ZNF263: variants seen among roughly 807,000 people sequenced by gnomAD.
ZNF263 encodes the protein zinc finger protein FPM315.
In ZNF263, 49 loss-of-function variants were observed where a neutral mutation model predicts 63.1. The ratio of observed to expected loss-of-function variants is 0.78; its 90% CI spans 0.62 to 0.99. The LOEUF (loss-of-function observed/expected upper bound fraction) is 0.99. ZNF263 is among the 50% of genes least tolerant of loss of function. The pLI, the probability that ZNF263 is intolerant of heterozygous loss-of-function variation, is 0.00. For synonymous variants in ZNF263, 352 were observed against 324.2 expected (o/e 1.09, Z -0.92); for missense variants, 872 against 854.8 (o/e 1.02, Z -0.25).
Position 3,286,062 on chromosome 16 carries a change from C to T in ZNF263, c.682C>T (p.Gln228Ter). The part of the protein sequence containing the change: ...SLEDVAMYIS[Q>*]EEWGHQDPSK... Reference sequence around the variant, plus strand: ...AGAGGACGTGGCAATGTACATCTCCCAGGAGGAGTGGGGGCATCAGGATCC... The same window carrying T: ...AGAGGACGTGGCAATGTACATCTCCTAGGAGGAGTGGGGGCATCAGGATCC... Residue 228 changes from glutamine (Q) to a stop codon, truncating the protein, a stop_gained, in exon 4 of 6, where the codon CAG (glutamine) becomes TAG (stop). Coordinates refer to ENST00000219069, the MANE Select transcript of ZNF263 (RefSeq NM_005741.5). LOFTEE classifies it high-confidence loss of function. The T allele has an allele frequency of 6.2e-7, 1 of 1,613,114 alleles. No individual in the cohort carries two copies. The highest frequency in any genetic ancestry group is 8.5e-7 in the Non-Finnish European group (1 of 1,179,670).
intron 4 of ZNF263, chr16:3,286,492 AT>A (rs1959364299): frequency 5.9e-6 from 1 of 170,322 alleles, no homozygotes; most frequent in Non-Finnish European, 1.2e-5. Flanking sequence ...ATTCCTTGCA[AT>A]TTTCAGATGC....
chr16:3,283,670 G>T lies in ZNF263; in HGVS notation c.-149G>T, dbSNP rs1343597399. 4 of 1,270,224 alleles carry T rather than the reference G, an allele frequency of 3.1e-6. No homozygotes were observed. Among genetic ancestry groups the T allele is most frequent in the Non-Finnish European group, 3.0e-6 (3 of 1,002,820 alleles). The allele number at this position is 1,270,224 out of a possible 1,614,324, so 78.7% of individuals were successfully genotyped here. A position where few individuals can be genotyped will look rare whatever the true frequency, so the allele number is the denominator to read the frequency against. On this transcript the variant is annotated 5_prime_UTR_variant, in exon 1 of 6. Transcript: ENST00000219069. ...TGAGGCCTAGGCGCCGGAGCCGGCC[G>T]CGCCTGGGCTGGAGCGGGGCTCCTC...
At chr16:3,299,561 C>G in intron 2 of ZNF263, 1 of 1,533,008 alleles carries the variant, frequency 6.5e-7, no homozygotes. Flanking sequence ...TCAAATATTA[C>G]AAGACTCTCT....
Position 3,285,708 on chromosome 16 carries a change from T to C in ZNF263, c.596T>C (p.Phe199Ser). 6.2e-7 allele frequency: 1 copy of C among 1,614,174 alleles called. No homozygotes were observed. Among genetic ancestry groups the C allele is most frequent in the South Asian group, 1.1e-5 (1 of 91,080 alleles). The change falls in exon 3 of 6, where the codon TTT becomes TCT. Residue 199 changes from phenylalanine to serine, a missense_variant. By Grantham distance (155) the Phe-to-Ser change is radical. Transcript: ENST00000219069. ...RALSAPWLSLFPPEGNMEDKE... is the reference protein window; with the variant it reads ...RALSAPWLSLSPPEGNMEDKE... Reference sequence around the variant, plus strand: ...TTATCTGCTCCCTGGCTTTCTCTTTTTCCTCCTGAAGGGAACATGGAAGAC... The same window carrying C: ...TTATCTGCTCCCTGGCTTTCTCTTTCTCCTCCTGAAGGGAACATGGAAGAC...
downstream of ZNF263, among the ~76,000 whole-genome samples, chr16:3,294,828 G>A (rs1019295617): frequency 1.3e-5 from 2 of 152,186 alleles, no homozygotes; most frequent in African/African-American, 4.8e-5. Flanking sequence ...TCCCCAACGT[G>A]CTCCAAGGAG....
downstream of ZNF263, among the ~76,000 whole-genome samples, chr16:3,292,585 T>C (rs182485637): frequency 1.2e-4 from 19 of 152,316 alleles, no homozygotes; most frequent in Admixed American, 3.3e-4. Flanking sequence ...CAAAGCACTC[T>C]GGTTAAGATG....
At chr16:3,284,296 CT>C in intron 1 of ZNF263, 91 bp downstream of exon 1, 3 of 1,430,632 alleles carry the variant, frequency 2.1e-6, no homozygotes, top group Non-Finnish European at 2.8e-6. Flanking sequence ...GTAAATTGCC[CT>C]GAGTAGACCT....
At chr16:3,300,246 A>G in intron 2 of ZNF263, 1 of 1,614,248 alleles carries the variant, frequency 6.2e-7, no homozygotes. Flanking sequence ...AAAGCCAACC[A>G]GTGCTAGCTT....
rs1334684445 is a variant in ZNF263 at position 3,283,698 on chromosome 16, C to T, written c.-121C>T. On this transcript the variant is annotated 5_prime_UTR_variant, in exon 1 of 6. Transcript: ENST00000219069. ...CCTGGGCTGGAGCGGGGCTCCTCGG[C>T]CTGGACTGGGAGCCCCCGGCCCCGG... is the stretch of plus-strand genomic sequence containing the variant. The T allele has an allele frequency of 2.9e-6, 4 of 1,367,032 alleles. No individual in the cohort carries two copies. Among genetic ancestry groups the T allele is most frequent in the Non-Finnish European group, 3.8e-6 (4 of 1,064,286 alleles). The allele number at this position is 1,367,032 out of a possible 1,614,324, so 84.7% of individuals were successfully genotyped here. A position where few individuals can be genotyped will look rare whatever the true frequency, so the allele number is the denominator to read the frequency against.
chr16:3,287,163 T>G (rs137942006), intron 4 of ZNF263, among the ~76,000 whole-genome samples: 1 of 152,236 alleles, frequency 6.6e-6, no homozygotes, highest in Non-Finnish European at 1.5e-5. Flanking sequence ...TTGACACTAA[T>G]TCTGCAAACG....
At chr16:3,299,159 A>C (rs1165810294) in intron 2 of ZNF263, 1 of 1,545,050 alleles carries the variant, frequency 6.5e-7, no homozygotes, top group Admixed American at 2.1e-5. Flanking sequence ...TCAAGAAGGT[A>C]GTCCAAACTC....
At position 3,283,671 on chromosome 16, in the gene ZNF263, CGCCTGGGCTGGAGCGGGGCTCCTCG is replaced by C; in HGVS notation, c.-141_-117del. 7.8e-6 allele frequency: 10 copies of C among 1,281,996 alleles called. No homozygotes were observed. The highest frequency in any genetic ancestry group is 9.9e-6 in the Non-Finnish European group (10 of 1,010,058). The allele number at this position is 1,281,996 out of a possible 1,614,324, so 79.4% of individuals were successfully genotyped here. Reference sequence around the variant, plus strand: ...GAGGCCTAGGCGCCGGAGCCGGCCGCGCCTGGGCTGGAGCGGGGCTCCTCGGCCTGGACTGGGAGCCCCCGGCCCC... The same window carrying C: ...GAGGCCTAGGCGCCGGAGCCGGCCGCGCCTGGACTGGGAGCCCCCGGCCCC... On this transcript the variant is annotated 5_prime_UTR_variant, in exon 1 of 6. Coordinates refer to ENST00000219069, the MANE Select transcript of ZNF263 (RefSeq NM_005741.5).
intron 4 of ZNF263, 77 bp downstream of exon 4, chr16:3,286,226 G>A: frequency 6.7e-7 from 1 of 1,501,864 alleles, no homozygotes. Context: ...TCACCTCCTG[G>A]ACACAGACTC....
Position 3,289,392 on chromosome 16 carries a change from G to A in ZNF263, c.887-1G>A. On this transcript the variant is annotated splice_acceptor_variant, in intron 5 of 5. Transcript: ENST00000219069. LOFTEE classifies it high-confidence loss of function. ...GGGTTTGGTTTCTCTCTCTCTACCA[G>A]GAGAAGAGAAATTTGAGAACCTGGA... is the stretch of plus-strand genomic sequence containing the variant. 2.0e-6 allele frequency: 3 copies of A among 1,510,614 alleles called. No individual in the cohort carries two copies. Among genetic ancestry groups the A allele is most frequent in the Non-Finnish European group, 2.7e-6 (3 of 1,130,600 alleles). The allele number at this position is 1,510,614 out of a possible 1,614,324, so 93.6% of individuals were successfully genotyped here.
At chr16:3,285,339 C>G in intron 2 of ZNF263, 100 bp downstream of exon 2, 1 of 1,332,554 alleles carries the variant, frequency 7.5e-7, no homozygotes, top group Admixed American at 2.6e-5. Flanking sequence ...GAAGGAATTT[C>G]TGAAGATCAG....
downstream of ZNF263, among the ~76,000 whole-genome samples, chr16:3,295,359 T>C (rs894682115): frequency 1.3e-5 from 2 of 152,190 alleles, no homozygotes; most frequent in Admixed American, 6.5e-5. Context: ...GGGGCCACGA[T>C]CACGCCCCAG....
At chr16:3,298,766 T>A in intron 1 of ZNF263, 1 of 360,604 alleles carries the variant, frequency 2.8e-6, no homozygotes, top group Non-Finnish European at 4.9e-6. Context: ...CAGATCCTTG[T>A]GTAAAATTTA....
At chr16:3,300,286 A>C in intron 2 of ZNF263, 2 of 1,614,192 alleles carry the variant, frequency 1.2e-6, no homozygotes, top group Non-Finnish European at 1.7e-6. Flanking sequence ...ACACCGTGCA[A>C]ATCTCTCTGC....
downstream of ZNF263, among the ~76,000 whole-genome samples, chr16:3,293,994 C>T (rs1386942110): frequency 4.6e-5 from 7 of 152,190 alleles, no homozygotes; most frequent in African/African-American, 1.2e-4. Flanking sequence ...GGCACGATCT[C>T]GGCTCACTGC....
Sources: allele counts gnomAD v4.1 joint callset (sites outside exome capture counted in the v4.1 genomes callset), GRCh38; gene constraint gnomAD v4.1.1; transcripts MANE v1.5; gene names NCBI Gene and HGNC (gene_info 2026-07-23, HGNC 2026-07-21).